Variants in PRKD1 observed in about 807,000 individuals in gnomAD.
PRKD1 encodes serine/threonine-protein kinase D1.
In PRKD1, 63 loss-of-function variants were observed where a neutral mutation model predicts 95.9. That is an observed-to-expected ratio of 0.66 (90% CI 0.54 to 0.81). The LOEUF is 0.81. Among genes scored for constraint, PRKD1 ranks in the 30% least tolerant of loss-of-function variants. The probability of loss-of-function intolerance (pLI) is 0.00; values close to 1 mark genes in which losing one functional copy is unlikely to be tolerated. For missense variants in PRKD1, 1,048 were observed against 1,165.3 expected, an observed-to-expected ratio of 0.90 and a Z score of 1.47; for synonymous variants, 425 against 423.1, an observed-to-expected ratio of 1.00 and a Z score of -0.05.
intron 1 of PRKD1, among the ~76,000 whole-genome samples, chr14:29,908,527 C>T (rs935982464): frequency 1.4e-4 from 22 of 152,106 alleles, no homozygotes; most frequent in African/African-American, 4.1e-4. Context: ...CCTCATGATC[C>T]GCCCGCCTCA....
chr14:29,829,844 A>G (rs1054566452), intron 1 of PRKD1, among the ~76,000 whole-genome samples: 19 of 152,154 alleles, frequency 1.2e-4, no homozygotes, highest in African/African-American at 4.6e-4. Context: ...TTTCATTTGC[A>G]TATCAGGGAA....
chr14:29,812,322 A>T (rs1890523062), intron 1 of PRKD1, among the ~76,000 whole-genome samples: 1 of 152,224 alleles, frequency 6.6e-6, no homozygotes, highest in Non-Finnish European at 1.5e-5. Flanking sequence ...ATATAACCGG[A>T]ACACTAAATT....
intron 1 of PRKD1, among the ~76,000 whole-genome samples, chr14:29,766,150 T>C (rs1426882487): frequency 6.6e-6 from 1 of 152,166 alleles, no homozygotes; most frequent in Non-Finnish European, 1.5e-5. Context: ...TGAGCTGCAC[T>C]GAGTTAAATT....
At chr14:29,656,376 C>T (rs1881838783) in intron 4 of PRKD1, 1 of 1,262,482 alleles carries the variant, frequency 7.9e-7, no homozygotes, top group Non-Finnish European at 1.1e-6. Context: ...TGATTATTCT[C>T]ATAAAGTCAG....
intron 4 of PRKD1, among the ~76,000 whole-genome samples, chr14:29,661,020 T>A (rs897097862): frequency 6.6e-6 from 1 of 152,198 alleles, no homozygotes. Flanking sequence ...GATAGTTTAC[T>A]GCCAAAGTTG....
At chr14:29,627,228 C>A (rs185960727) in intron 11 of PRKD1, among the ~76,000 whole-genome samples, 1 of 152,310 alleles carries the variant, frequency 6.6e-6, no homozygotes, top group Admixed American at 6.5e-5. Flanking sequence ...CGGTTCCCAA[C>A]CACATGTCTG....
intron 1 of PRKD1, among the ~76,000 whole-genome samples, chr14:29,833,997 CCTT>C (rs1891515646): frequency 6.6e-6 from 1 of 152,102 alleles, no homozygotes; most frequent in Non-Finnish European, 1.5e-5. Flanking sequence ...AAGAACATGT[CCTT>C]CTCAATCTTC....
chr14:29,867,243 T>C (rs1284717213), intron 1 of PRKD1, among the ~76,000 whole-genome samples: 1 of 124,154 alleles, frequency 8.1e-6, no homozygotes, highest in Non-Finnish European at 1.6e-5. Flanking sequence ...GTTAATGTAC[T>C]ATAAGAAAAA....
At chr14:29,581,213 TC>T (rs1892744748) in intron 16 of PRKD1, among the ~76,000 whole-genome samples, 1 of 152,150 alleles carries the variant, frequency 6.6e-6, no homozygotes. Flanking sequence ...GCCTGCTTAG[TC>T]CTCCTGTACA....
At chr14:29,581,418 C>T (rs1379256793) in intron 16 of PRKD1, among the ~76,000 whole-genome samples, 1 of 151,998 alleles carries the variant, frequency 6.6e-6, no homozygotes, top group Non-Finnish European at 1.5e-5. Flanking sequence ...CTTATAACAA[C>T]CCCCTGAAAG....
intron 1 of PRKD1, among the ~76,000 whole-genome samples, chr14:29,732,241 C>T (rs185070837): frequency 1.5e-3 from 227 of 152,254 alleles, no homozygotes; most frequent in Non-Finnish European, 2.4e-3. Flanking sequence ...AGGATACTAG[C>T]TTACCAATTT....
At chr14:29,824,008 A>G (rs1438114298) in intron 1 of PRKD1, among the ~76,000 whole-genome samples, 1 of 152,124 alleles carries the variant, frequency 6.6e-6, no homozygotes, top group Non-Finnish European at 1.5e-5. Context: ...TCGGACACAC[A>G]CTGCATGCAT....
chr14:29,727,670 G>A (rs1437023025), intron 1 of PRKD1, among the ~76,000 whole-genome samples: 1 of 151,690 alleles, frequency 6.6e-6, no homozygotes, highest in Admixed American at 6.6e-5. Flanking sequence ...CCCATTGCTT[G>A]TTTTTCTCAG....
At chr14:29,636,532 A>G (rs1880390371) in intron 6 of PRKD1, 38 bp from the exon 7 acceptor site, 2 of 1,604,626 alleles carry the variant, frequency 1.2e-6, no homozygotes, top group African/African-American at 1.3e-5. Flanking sequence ...TAAGCCTGGA[A>G]TCTTGGAGCC....
At chr14:29,587,420 T>C (rs1892974209) in intron 16 of PRKD1, among the ~76,000 whole-genome samples, 1 of 152,212 alleles carries the variant, frequency 6.6e-6, no homozygotes, top group Non-Finnish European at 1.5e-5. Context: ...TCTCCACACA[T>C]AACTCAGGTG....
chr14:29,927,189 C>G, intron 1 of PRKD1, 60 bp downstream of exon 1: 1 of 1,408,158 alleles, frequency 7.1e-7, no homozygotes, highest in Non-Finnish European at 9.3e-7. Flanking sequence ...AGAGGGCCAG[C>G]CGGGCAGCGC....
At chr14:29,918,092 T>A (rs1894955750) in intron 1 of PRKD1, among the ~76,000 whole-genome samples, 1 of 152,046 alleles carries the variant, frequency 6.6e-6, no homozygotes, top group Non-Finnish European at 1.5e-5. Flanking sequence ...ATTGCCTGAT[T>A]GTAGATTTTA....
At chr14:29,796,253 T>A (rs190225994) in intron 1 of PRKD1, among the ~76,000 whole-genome samples, 3 of 152,300 alleles carry the variant, frequency 2.0e-5, no homozygotes, top group Admixed American at 2.0e-4. Context: ...AGTTTCTCTA[T>A]CTTATTTTGT....
chr14:29,753,714 T>C (rs1387204466), intron 1 of PRKD1, among the ~76,000 whole-genome samples: 1 of 152,186 alleles, frequency 6.6e-6, no homozygotes. Context: ...GTATGCAACA[T>C]ACCACTTTGT....
Sources: gnomAD v4.1 joint callset for allele counts (sites outside exome capture counted in the v4.1 genomes callset) on GRCh38, gnomAD v4.1.1 for gene constraint, MANE v1.5 for transcripts, NCBI Gene and HGNC (gene_info 2026-07-23, HGNC 2026-07-21) for gene names.